Variants in RPSA2 observed in about 807,000 individuals in gnomAD.
RPSA2 encodes small ribosomal subunit protein uS2B.
chr19:23,759,670 C>G, the RPSA2 span, among the ~76,000 whole-genome samples: 1 of 151,606 alleles, frequency 6.6e-6, no homozygotes, highest in East Asian at 1.9e-4. Flanking sequence ...ACTACAGGTG[C>G]GTGCCACCAT....
the RPSA2 span, among the ~76,000 whole-genome samples, chr19:23,864,728 T>C: frequency 6.6e-6 from 1 of 152,212 alleles, no homozygotes; most frequent in East Asian, 1.9e-4. Flanking sequence ...ATTAGACTAC[T>C]AAATGCACGC....
the RPSA2 span, among the ~76,000 whole-genome samples, chr19:23,840,106 G>C: frequency 9.3e-6 from 1 of 107,666 alleles, no homozygotes; most frequent in Admixed American, 9.0e-5. Flanking sequence ...AGAAAAAATG[G>C]TTGATTCTCA....
the RPSA2 span, among the ~76,000 whole-genome samples, chr19:23,773,681 A>C: frequency 1.3e-4 from 20 of 152,180 alleles, no homozygotes; most frequent in Non-Finnish European, 2.5e-4. Flanking sequence ...TCTCACACAT[A>C]GAGGTAGTCA....
At chr19:23,803,317 T>C in the RPSA2 span, among the ~76,000 whole-genome samples, 1 of 152,174 alleles carries the variant, frequency 6.6e-6, no homozygotes, top group East Asian at 1.9e-4. Context: ...TGTTGCTTTT[T>C]TAGGGTTGGT....
the RPSA2 span, among the ~76,000 whole-genome samples, chr19:23,777,201 A>G: frequency 1.3e-5 from 2 of 152,190 alleles, no homozygotes; most frequent in East Asian, 3.9e-4. Flanking sequence ...TACTGCCTGA[A>G]ATACAACCAA....
chr19:23,769,504 C>CAGCT, the RPSA2 span, among the ~76,000 whole-genome samples: 4 of 152,174 alleles, frequency 2.6e-5, no homozygotes, highest in Non-Finnish European at 5.9e-5. Context: ...CCGCCACAGT[C>CAGCT]AGCTACTTTT....
At chr19:23,785,788 C>T in the RPSA2 span, among the ~76,000 whole-genome samples, 1 of 152,094 alleles carries the variant, frequency 6.6e-6, no homozygotes, top group South Asian at 2.1e-4. Context: ...GACTCTCATA[C>T]CTCAAACCAT....
At chr19:23,773,231 G>T in the RPSA2 span, among the ~76,000 whole-genome samples, 1 of 151,174 alleles carries the variant, frequency 6.6e-6, no homozygotes, top group Non-Finnish European at 1.5e-5. Flanking sequence ...CCAGTAGCTG[G>T]TACTACAGGT....
the RPSA2 span, among the ~76,000 whole-genome samples, chr19:23,843,885 G>T: frequency 6.6e-6 from 1 of 152,076 alleles, no homozygotes; most frequent in African/African-American, 2.4e-5. Flanking sequence ...GCAGCCTTCT[G>T]AGTAGCTGGG....
the RPSA2 span, among the ~76,000 whole-genome samples, chr19:23,849,226 G>A: frequency 1.3e-5 from 2 of 152,230 alleles, no homozygotes; most frequent in Non-Finnish European, 1.5e-5. Context: ...AAACAAAGCA[G>A]AATGCTTGAA....
the RPSA2 span, among the ~76,000 whole-genome samples, chr19:23,836,837 A>G: frequency 1.3e-5 from 2 of 150,402 alleles, no homozygotes; most frequent in Admixed American, 1.3e-4. Flanking sequence ...CTATTTTTTG[A>G]TTTTTTTCTT....
At chr19:23,830,900 G>C in the RPSA2 span, among the ~76,000 whole-genome samples, 5 of 151,818 alleles carry the variant, frequency 3.3e-5, no homozygotes, top group African/African-American at 1.2e-4. Context: ...TTATAATGTT[G>C]TTCTGTCCTG....
the RPSA2 span, among the ~76,000 whole-genome samples, chr19:23,864,736 C>T: frequency 2.9e-4 from 44 of 152,138 alleles, no homozygotes; most frequent in Admixed American, 7.9e-4. Flanking sequence ...ACTAAATGCA[C>T]GCATATGCTT....
the RPSA2 span, among the ~76,000 whole-genome samples, chr19:23,804,320 C>G: frequency 3.4e-5 from 5 of 148,160 alleles, no homozygotes; most frequent in African/African-American, 1.0e-4. Context: ...TTTTTGGAGA[C>G]GAGTCTTGCT....
chr19:23,834,966 A>G, the RPSA2 span, among the ~76,000 whole-genome samples: 1 of 152,090 alleles, frequency 6.6e-6, no homozygotes, highest in Non-Finnish European at 1.5e-5. Context: ...TTTATGCCAT[A>G]TATGGCATAT....
chr19:23,847,321 T>G, the RPSA2 span, among the ~76,000 whole-genome samples: 1 of 152,180 alleles, frequency 6.6e-6, no homozygotes, highest in African/African-American at 2.4e-5. Context: ...TCTCTTTGTA[T>G]TGGGGAAACC....
chr19:23,811,557 T>G, the RPSA2 span, among the ~76,000 whole-genome samples: 1 of 152,140 alleles, frequency 6.6e-6, no homozygotes, highest in Non-Finnish European at 1.5e-5. Flanking sequence ...TCCATATAAA[T>G]TTTTACTTTA....
chr19:23,815,981 C>T, the RPSA2 span, among the ~76,000 whole-genome samples: 1 of 114,496 alleles, frequency 8.7e-6, no homozygotes, highest in African/African-American at 3.2e-5. Flanking sequence ...TTACTATTTT[C>T]ATAAAATGTA....
the RPSA2 span, chr19:23,790,881 G>T: frequency 2.0e-6 from 1 of 502,452 alleles, no homozygotes; most frequent in Non-Finnish European, 3.6e-6. Context: ...TCCACAATCT[G>T]CACCCTGAGT....
Sources: allele counts gnomAD v4.1 joint callset (sites outside exome capture counted in the v4.1 genomes callset), GRCh38; gene constraint gnomAD v4.1.1; transcripts MANE v1.5; gene names NCBI Gene and HGNC (gene_info 2026-07-23, HGNC 2026-07-21).